TDRD3: variants seen among roughly 807,000 people sequenced by gnomAD.
TDRD3 encodes tudor domain-containing protein 3.
In TDRD3, 45 loss-of-function variants were observed where a neutral mutation model predicts 86.7. That is an observed-to-expected ratio of 0.52 (90% CI 0.41 to 0.67). The LOEUF (loss-of-function observed/expected upper bound fraction) is 0.67. Ranked by LOEUF, TDRD3 falls within the 30% of genes least tolerant of loss-of-function variation. The pLI is 0.00. For missense variants in TDRD3, 814 were observed against 889.0 expected (o/e 0.92, Z 1.07); for synonymous variants, 298 against 301.7 (o/e 0.99, Z 0.13).
chr13:60,420,366 G>T (rs1281552475), intron 1 of TDRD3, among the ~76,000 whole-genome samples: 1 of 146,654 alleles, frequency 6.8e-6, no homozygotes, highest in Non-Finnish European at 1.5e-5. Flanking sequence ...TTTTGGTCAA[G>T]ATCAATTTTA....
chr13:60,537,758 G>A (rs1286839422), intron 12 of TDRD3: 1 of 151,958 alleles, frequency 6.6e-6, no homozygotes, highest in Non-Finnish European at 1.5e-5. Context: ...CACTATATAT[G>A]TGCACTACAA....
chr13:60,569,207 A>G (rs1233987816), intron 13 of TDRD3, among the ~76,000 whole-genome samples: 1 of 152,102 alleles, frequency 6.6e-6, no homozygotes, highest in Non-Finnish European at 1.5e-5. Flanking sequence ...GAGCTCAAGC[A>G]ATCTGCCTGC....
intron 10 of TDRD3, among the ~76,000 whole-genome samples, chr13:60,511,391 A>G (rs938816041): frequency 6.6e-5 from 10 of 152,216 alleles, no homozygotes; most frequent in Admixed American, 3.9e-4. Context: ...CTTTTATAAC[A>G]AATATGAAAT....
chr13:60,533,075 A>G (rs1325592213), intron 11 of TDRD3, among the ~76,000 whole-genome samples: 2 of 152,196 alleles, frequency 1.3e-5, no homozygotes, highest in East Asian at 1.9e-4. Flanking sequence ...ACAGAACACA[A>G]AAGTGTGGGG....
intron 1 of TDRD3, among the ~76,000 whole-genome samples, chr13:60,417,139 C>T (rs1954540414): frequency 6.6e-6 from 1 of 151,574 alleles, no homozygotes; most frequent in African/African-American, 2.4e-5. Context: ...ACCTCAGCCT[C>T]CCAAGTAGCT....
At chr13:60,398,696 G>A (rs1954010122) in intron 1 of TDRD3, among the ~76,000 whole-genome samples, 1 of 152,238 alleles carries the variant, frequency 6.6e-6, no homozygotes, top group African/African-American at 2.4e-5. Flanking sequence ...AGAAAGTGGT[G>A]GAGTTGAATG....
chr13:60,471,430 G>A (rs566404099), intron 5 of TDRD3, among the ~76,000 whole-genome samples: 1 of 151,818 alleles, frequency 6.6e-6, no homozygotes, highest in South Asian at 2.1e-4. Flanking sequence ...TTTGATTACT[G>A]TAACTTTTTA....
chr13:60,509,586 A>G (rs1345736676), intron 8 of TDRD3, 177 bp from the exon 9 acceptor site: 2 of 740,496 alleles, frequency 2.7e-6, no homozygotes, highest in African/African-American at 1.8e-5. Flanking sequence ...AACCCCACAT[A>G]TCATACAGAT....
At chr13:60,468,244 C>T (rs1326077049) in intron 5 of TDRD3, among the ~76,000 whole-genome samples, 5 of 152,218 alleles carry the variant, frequency 3.3e-5, no homozygotes, top group African/African-American at 7.2e-5. Context: ...GGAGTTGCTT[C>T]GTCTTTCTTT....
chr13:60,534,510 A>G (rs1957656252), intron 11 of TDRD3, among the ~76,000 whole-genome samples: 1 of 151,940 alleles, frequency 6.6e-6, no homozygotes, highest in Non-Finnish European at 1.5e-5. Context: ...TGACATTCCT[A>G]CTTCATTCTA....
At chr13:60,414,338 A>G (rs1954440362) in intron 1 of TDRD3, among the ~76,000 whole-genome samples, 1 of 152,168 alleles carries the variant, frequency 6.6e-6, no homozygotes, top group Admixed American at 6.6e-5. Flanking sequence ...TTAGTAGAAC[A>G]CAGCCAGAAC....
intron 1 of TDRD3, among the ~76,000 whole-genome samples, chr13:60,417,858 C>T (rs1954563313): frequency 6.6e-6 from 1 of 152,156 alleles, no homozygotes; most frequent in Non-Finnish European, 1.5e-5. Context: ...ACTCATCTCA[C>T]CATTCATGAG....
intron 1 of TDRD3, among the ~76,000 whole-genome samples, chr13:60,423,329 G>C (rs1165262125): frequency 1.3e-5 from 2 of 152,116 alleles, no homozygotes; most frequent in Non-Finnish European, 1.5e-5. Context: ...AAACATACCA[G>C]TAACAGGATA....
intron 10 of TDRD3, among the ~76,000 whole-genome samples, chr13:60,511,639 T>G (rs1164749855): frequency 6.6e-6 from 1 of 152,196 alleles, no homozygotes; most frequent in Non-Finnish European, 1.5e-5. Context: ...CTGTTTAAAG[T>G]CTCAGATGCT....
At chr13:60,544,776 A>G (rs1307936640) in intron 12 of TDRD3, among the ~76,000 whole-genome samples, 1 of 152,156 alleles carries the variant, frequency 6.6e-6, no homozygotes, top group Non-Finnish European at 1.5e-5. Context: ...TCCATATCAA[A>G]CTCCAGAGCT....
In TDRD3 at chr13:60,510,502, T is replaced by A. The variant is rs1957032549; in HGVS notation, c.1016-128T>A. 1.3e-5 allele frequency: 13 copies of A among 994,058 alleles called. No homozygotes were observed. In the South Asian group the frequency reaches 3.7e-4, roughly 28 times the overall value. The allele number at this position is 994,058 out of a possible 1,614,324, so 61.6% of individuals were successfully genotyped here. A position where few individuals can be genotyped will look rare whatever the true frequency, so the allele number is the denominator to read the frequency against. On this transcript the variant is annotated intron_variant, in intron 9 of 13. Transcript: ENST00000377881. ...ACCTAAAAAAATTACTTAAAAGATG[T>A]AGACTATACAAAAAATATGAAAAGA...
chr13:60,563,353 G>A (rs1958381653), intron 12 of TDRD3, among the ~76,000 whole-genome samples: 1 of 152,058 alleles, frequency 6.6e-6, no homozygotes, highest in African/African-American at 2.4e-5. Context: ...TAGAGAGTTG[G>A]GTCAGCATTT....
chr13:60,572,817 G>A lies in TDRD3; in HGVS notation c.*10-799G>A, dbSNP rs186580264. ...ACTAAAAGATGTATTTTTAAATGTT[G>A]AAATTTTTTTTGACAATCTGGTCCA... On this transcript the variant is annotated intron_variant, in intron 13 of 13. Transcript: ENST00000377881. Among the ~76,000 whole-genome samples, 721 of 123,696 alleles carry A rather than the reference G, an allele frequency of 5.8e-3. 5 individuals are homozygous for A. Among genetic ancestry groups the A allele is most frequent in the African/African-American group, 0.019 (698 of 37,254 alleles). The allele number at this position is 123,696 out of a possible 152,430, so 81.1% of individuals were successfully genotyped here. A position where few individuals can be genotyped will look rare whatever the true frequency, so the allele number is the denominator to read the frequency against.
intron 10 of TDRD3, among the ~76,000 whole-genome samples, chr13:60,515,844 T>C (rs1957156585): frequency 6.6e-6 from 1 of 152,228 alleles, no homozygotes; most frequent in Non-Finnish European, 1.5e-5. Context: ...GTGGAAAATT[T>C]GGTTATTTTC....
Sources: gnomAD v4.1 joint callset for allele counts (sites outside exome capture counted in the v4.1 genomes callset) on GRCh38, gnomAD v4.1.1 for gene constraint, MANE v1.5 for transcripts, NCBI Gene and HGNC (gene_info 2026-07-23, HGNC 2026-07-21) for gene names.